Variants in SIDT1 observed in about 807,000 individuals in gnomAD.
The protein encoded by SIDT1 is SID1 transmembrane family, member 1.
In SIDT1, 101 loss-of-function variants were observed where a neutral mutation model predicts 107.5. The observed-to-expected ratio is 0.94, with a 90% CI of 0.80 to 1.11. SIDT1 has a LOEUF of 1.11. SIDT1 is among the 50% of genes least tolerant of loss of function. SIDT1 has a pLI of 0.00. For missense variants in SIDT1, 1,076 were observed against 1,058.2 expected (o/e 1.02, Z -0.23); for synonymous variants, 395 against 398.2 (o/e 0.99, Z 0.10).
chr3:113,553,095 C>G (rs1940456002), intron 1 of SIDT1, among the ~76,000 whole-genome samples: 1 of 152,214 alleles, frequency 6.6e-6, no homozygotes, highest in South Asian at 2.1e-4. Flanking sequence ...AACATCTCCT[C>G]TGAGCATCAG....
At chr3:113,547,335 G>A (rs548483358) in intron 1 of SIDT1, among the ~76,000 whole-genome samples, 4 of 152,154 alleles carry the variant, frequency 2.6e-5, no homozygotes, top group East Asian at 3.9e-4. Context: ...CATATGTGGA[G>A]GCTAAAAAAG....
rs575238834 is a variant in SIDT1, at chr3:113,544,556, G to A, written c.222+11313G>A. The stretch of plus-strand genomic sequence containing the variant: ...TCTTTGTTCTTTCTTTGTCTTTCAG[G>A]AGTTCAACATTTTTGAAGAGTATAG... On this transcript the variant is annotated intron_variant, in intron 1 of 24. Transcript: ENST00000264852. 2.9e-4 allele frequency among the ~76,000 whole-genome samples: 44 copies of A among 152,164 alleles called. No homozygotes were observed. The South Asian group carries it at 7.3e-3, about 25-fold the overall frequency.
At chr3:113,568,254 A>G (rs556807136) in intron 3 of SIDT1, among the ~76,000 whole-genome samples, 3 of 152,266 alleles carry the variant, frequency 2.0e-5, no homozygotes, top group Non-Finnish European at 4.4e-5. Context: ...ACTTCACTAA[A>G]GAAGCTACCC....
At chr3:113,593,174 A>G (rs1944298502) in intron 10 of SIDT1, 126 bp downstream of exon 10, 2 of 837,232 alleles carry the variant, frequency 2.4e-6, no homozygotes, top group Admixed American at 3.5e-5. Context: ...TATCCCGCAG[A>G]GTAGTCTAGC....
Position 113,532,792 on chromosome 3 carries a change from C to T in SIDT1, c.-230C>T, listed in dbSNP as rs908034076. The stretch of plus-strand genomic sequence containing the variant: ...GCCCCACATCTCCACTTCTCCAGTC[C>T]GCCCTACTCTCCACCCGTGACCTCC... On this transcript the variant is annotated 5_prime_UTR_variant, in exon 1 of 25. Coordinates refer to ENST00000264852, the MANE Select transcript of SIDT1 (RefSeq NM_017699.3). 5 of 385,174 alleles carry T rather than the reference C, an allele frequency of 1.3e-5. No homozygotes were observed. Among genetic ancestry groups the T allele is most frequent in the Non-Finnish European group, 1.8e-5 (4 of 218,318 alleles). 23.9% of individuals were successfully genotyped at this position (385,174 alleles called of 1,614,324 possible).
rs1223386777 is a variant in SIDT1, at chr3:113,607,021, T to C, written c.1405-20T>C. The C allele has an allele frequency of 6.4e-7, 1 of 1,550,498 alleles. No individual in the cohort carries two copies. Among genetic ancestry groups the C allele is most frequent in the East Asian group, 2.2e-5 (1 of 44,602 alleles). Reference sequence around the variant, plus strand: ...GACGGAGGAAAACCACATTTCCTCTTCTCACTCTTGATTTTACAGGTGGTA... The same window carrying C: ...GACGGAGGAAAACCACATTTCCTCTCCTCACTCTTGATTTTACAGGTGGTA... On this transcript the variant is annotated intron_variant, in intron 14 of 24. Transcript: ENST00000264852.
intron 23 of SIDT1, 184 bp from the exon 24 acceptor site, chr3:113,625,918 T>C: frequency 1.8e-6 from 1 of 564,246 alleles, no homozygotes. Context: ...TTCTCTATTT[T>C]TGCTTTGGTT....
intron 10 of SIDT1, among the ~76,000 whole-genome samples, chr3:113,597,795 A>G (rs1309073053): frequency 1.3e-5 from 2 of 152,220 alleles, no homozygotes; most frequent in East Asian, 1.9e-4. Context: ...CATTAAGATG[A>G]GATCATTCAC....
At chr3:113,577,924 G>A (rs916893835) in intron 4 of SIDT1, among the ~76,000 whole-genome samples, 1 of 152,166 alleles carries the variant, frequency 6.6e-6, no homozygotes, top group African/African-American at 2.4e-5. Flanking sequence ...AGCTCCCATT[G>A]TGATGTCACT....
At chr3:113,562,616 G>A (rs924221849) in intron 1 of SIDT1, among the ~76,000 whole-genome samples, 1 of 152,218 alleles carries the variant, frequency 6.6e-6, no homozygotes, top group African/African-American at 2.4e-5. Context: ...AAGCTGGATA[G>A]AGAAGGATAC....
At chr3:113,560,087 A>G (rs1358265432) in intron 1 of SIDT1, among the ~76,000 whole-genome samples, 1 of 152,142 alleles carries the variant, frequency 6.6e-6, no homozygotes, top group Non-Finnish European at 1.5e-5. Flanking sequence ...GAGAGGTGCC[A>G]TCATGTCTAT....
Position 113,608,513 on chromosome 3 carries a change from C to T in SIDT1, c.1697C>T (p.Pro566Leu). ...CTCAGTGCTTGCTACCATGTCTGCC[C>T]TAATTATTCCAACTTCCAATTCGGT... ...GVLSACYHVC[P>L]NYSNFQFDTS... The change falls in exon 17 of 25, where the codon CCT (proline) becomes CTT (leucine). Residue 566 changes from proline (P) to leucine (L), a missense_variant. Pro to Leu is a moderately conservative substitution (Grantham distance 98, BLOSUM62 -3). Transcript: ENST00000264852. The T allele has an allele frequency of 6.2e-7, 1 of 1,611,072 alleles. No individual in the cohort carries two copies. The highest frequency in any genetic ancestry group is 8.5e-7 in the Non-Finnish European group (1 of 1,177,216).
intron 7 of SIDT1, among the ~76,000 whole-genome samples, chr3:113,584,488 G>A (rs1372419605): frequency 6.6e-6 from 1 of 152,166 alleles, no homozygotes. Context: ...AGGCCAAATT[G>A]AGAGTCTAAT....
intron 1 of SIDT1, among the ~76,000 whole-genome samples, chr3:113,555,441 T>G (rs189739954): frequency 6.8e-4 from 103 of 152,370 alleles, no homozygotes; most frequent in African/African-American, 2.4e-3. Flanking sequence ...CAAACATTTA[T>G]TGATTGAACA....
intron 21 of SIDT1, among the ~76,000 whole-genome samples, chr3:113,620,312 C>T (rs978691925): frequency 1.3e-5 from 2 of 151,958 alleles, no homozygotes; most frequent in Admixed American, 6.6e-5. Context: ...CTTTGTTCCT[C>T]AAATGGCTCA....
At chr3:113,584,871 A>T (rs1396740509) in intron 8 of SIDT1, 102 bp downstream of exon 8, 2 of 870,276 alleles carry the variant, frequency 2.3e-6, no homozygotes, top group Non-Finnish European at 3.6e-6. Flanking sequence ...TTGTCATAAG[A>T]AAACTAAAGT....
chr3:113,629,859 G>A (rs1947069989), downstream of SIDT1, among the ~76,000 whole-genome samples: 1 of 152,214 alleles, frequency 6.6e-6, no homozygotes, highest in African/African-American at 2.4e-5. Context: ...GGTCAGTTTT[G>A]TTCCTGCAAC....
intron 1 of SIDT1, among the ~76,000 whole-genome samples, chr3:113,557,665 G>A (rs114638694): frequency 2.0e-5 from 3 of 152,204 alleles, no homozygotes; most frequent in Admixed American, 6.5e-5. Flanking sequence ...CCAGAGGAAG[G>A]TCTCAGAGGG....
intron 9 of SIDT1, among the ~76,000 whole-genome samples, chr3:113,592,094 CTT>C (rs1944201357): frequency 6.6e-6 from 1 of 152,046 alleles, no homozygotes; most frequent in Admixed American, 6.5e-5. Flanking sequence ...AATAGGCAAA[CTT>C]ATAGAGACAG....
Sources: gnomAD v4.1 joint callset for allele counts (sites outside exome capture counted in the v4.1 genomes callset) on GRCh38, gnomAD v4.1.1 for gene constraint, MANE v1.5 for transcripts, NCBI Gene and HGNC (gene_info 2026-07-23, HGNC 2026-07-21) for gene names.